The following PCLO variants were observed in gnomAD, a reference collection of about 807,000 sequenced individuals.
The protein encoded by PCLO is piccolo presynaptic cytomatrix protein.
In PCLO, 82 loss-of-function variants were observed where a neutral mutation model predicts 427.5. The observed-to-expected ratio is 0.19, with a 90% CI of 0.16 to 0.23. The LOEUF is 0.23. Among genes scored for constraint, PCLO ranks in the 10% least tolerant of loss-of-function variants. The pLI, the probability that PCLO is intolerant of heterozygous loss-of-function variation, is 1.00. For synonymous variants in PCLO, 2,357 were observed against 2,155.4 expected (o/e 1.09, Z -2.59); for missense variants, 6,239 against 6,115.9 (o/e 1.02, Z -0.67).
intron 3 of PCLO, among the ~76,000 whole-genome samples, chr7:83,098,498 C>T (rs1239953449): frequency 6.6e-6 from 1 of 152,018 alleles, no homozygotes; most frequent in East Asian, 1.9e-4. Flanking sequence ...GTTCTAACAG[C>T]GAATCTTAAA....
rs748771432 is a variant in PCLO, at chr7:82,951,933, T to C, written c.9020A>G (p.Tyr3007Cys). ...ATAATCAAAAGCATTCTTACTTTTA[T>C]AGAAAAAATGTCCAGCTTCTGCTAA... ...TNLAEAGHFF[Y>C]KSKNAFDYSE... The change falls in exon 5 of 25, where the codon TAT becomes TGT. Residue 3007 changes from tyrosine to cysteine, a missense_variant. Coordinates refer to ENST00000333891, the MANE Select transcript of PCLO (RefSeq NM_033026.6). The C allele has an allele frequency of 1.1e-5, 17 of 1,613,776 alleles. No individual in the cohort carries two copies. Among genetic ancestry groups the C allele is most frequent in the African/African-American group, 5.3e-5 (4 of 74,898 alleles).
chr7:83,131,871 C>T (rs1418641285), intron 3 of PCLO, among the ~76,000 whole-genome samples: 1 of 151,964 alleles, frequency 6.6e-6, no homozygotes, highest in Non-Finnish European at 1.5e-5. Context: ...TGACATTGTA[C>T]CATGAATTAC....
intron 3 of PCLO, among the ~76,000 whole-genome samples, chr7:83,092,627 A>G (rs1790406106): frequency 6.6e-6 from 1 of 152,146 alleles, no homozygotes; most frequent in Non-Finnish European, 1.5e-5. Context: ...CATTTGATAC[A>G]ATCAGGACAA....
rs1462640372 is a variant in PCLO at position 82,822,681 on chromosome 7, C to T, written c.14605G>A (p.Val4869Ile). ...CTATGGGATTTCTCAATGGTGGGAA[C>T]CTGCATGTCTGGTCACAAAAGGGTA... The part of the protein sequence containing the change: ...IFPDPSKDMQ[V>I]PTIEKSHSSP... Residue 4869 changes from valine to isoleucine, a missense_variant, in exon 20 of 25, where the codon GTT (valine) becomes ATT (isoleucine). Val to Ile is a conservative substitution (Grantham distance 29). Transcript: ENST00000333891. 2 of 1,612,894 alleles carry T rather than the reference C, an allele frequency of 1.2e-6. No individual in the cohort carries two copies. Among genetic ancestry groups the T allele is most frequent in the East Asian group, 2.2e-5 (1 of 44,866 alleles).
In PCLO at chr7:82,949,920, A is replaced by T. The variant is rs144871999; in HGVS notation, c.10668T>A (p.Pro3556=). 4.4e-4 allele frequency: 709 copies of T among 1,613,616 alleles called. 2 individuals carry two copies. Among genetic ancestry groups the T allele is most frequent in the East Asian group, 1.3e-3 (59 of 44,850 alleles). The change falls in exon 6 of 25, where the codon CCT becomes CCA. Residue 3556 remains proline (P), a synonymous_variant. Coordinates refer to ENST00000333891, the MANE Select transcript of PCLO (RefSeq NM_033026.6). ...AACTGCCCCCTTTGTAAGTCTTTTC[A>T]GGTGCTGAAATGTGTTTAATTATTT... ...KVEIIKHISA[P]EKTYKGGSLG... is the part of the protein sequence containing the mutation.
intron 12 of PCLO, 148 bp from the exon 13 acceptor site, chr7:82,845,633 T>G: frequency 1.6e-6 from 1 of 622,170 alleles, no homozygotes; most frequent in Middle Eastern, 2.9e-4. Flanking sequence ...ATTGTACTTT[T>G]ATGTATCAAT....
intron 3 of PCLO, among the ~76,000 whole-genome samples, chr7:82,967,527 C>T (rs1795806940): frequency 6.6e-6 from 1 of 152,090 alleles, no homozygotes; most frequent in South Asian, 2.1e-4. Flanking sequence ...GTCACCCGCA[C>T]TAAATCAACT....
At chr7:82,982,312 G>A (rs1322539840) in intron 3 of PCLO, among the ~76,000 whole-genome samples, 3 of 152,114 alleles carry the variant, frequency 2.0e-5, no homozygotes, top group Admixed American at 6.6e-5. Flanking sequence ...CTCATATAGA[G>A]TGGGGGATGA....
intron 3 of PCLO, among the ~76,000 whole-genome samples, chr7:83,097,948 T>A (rs1010308843): frequency 1.3e-5 from 2 of 152,166 alleles, no homozygotes; most frequent in Non-Finnish European, 2.9e-5. Context: ...TTTTCATTAA[T>A]ATCTGCATTT....
chr7:83,056,335 G>T (rs1162334091), intron 3 of PCLO, among the ~76,000 whole-genome samples: 1 of 152,038 alleles, frequency 6.6e-6, no homozygotes, highest in East Asian at 1.9e-4. Flanking sequence ...AGATACTTCT[G>T]GATTGAATAA....
intron 3 of PCLO, among the ~76,000 whole-genome samples, chr7:82,976,316 A>C (rs1173127175): frequency 6.6e-6 from 1 of 152,130 alleles, no homozygotes; most frequent in East Asian, 1.9e-4. Context: ...CAGCTTGTCC[A>C]TCCTCTCCCC....
chr7:82,768,030 G>C (rs1322702362), intron 22 of PCLO, among the ~76,000 whole-genome samples: 1 of 152,042 alleles, frequency 6.6e-6, no homozygotes, highest in African/African-American at 2.4e-5. Context: ...GGAGGAACTT[G>C]AAGATGAAAT....
At chr7:82,914,420 T>C in intron 7 of PCLO, 1 of 556,848 alleles carries the variant, frequency 1.8e-6, no homozygotes, top group South Asian at 2.6e-5. Context: ...TTGATAATGG[T>C]TTTAGAAAAG....
chr7:82,951,532 A>C, intron 5 of PCLO, 42 bp from the exon 6 acceptor site: 1 of 1,353,076 alleles, frequency 7.4e-7, no homozygotes, highest in Non-Finnish European at 1.0e-6. Context: ...CCCAGAATGA[A>C]TGATGCTTTT....
intron 3 of PCLO, among the ~76,000 whole-genome samples, chr7:83,087,966 GA>G (rs1276461332): frequency 6.6e-6 from 1 of 152,030 alleles, no homozygotes; most frequent in East Asian, 1.9e-4. Context: ...ATTTAATTCT[GA>G]AGGCATACTC....
intron 2 of PCLO, among the ~76,000 whole-genome samples, chr7:83,154,530 T>C (rs7807790): frequency 0.24 from 36,590 of 152,098 alleles, 4,767 homozygotes; most frequent in Middle Eastern, 0.33. Context: ...ATATTTGTCT[T>C]ATATGTCAAA....
At chr7:82,870,440 A>G (rs1331685747) in intron 10 of PCLO, among the ~76,000 whole-genome samples, 1 of 152,032 alleles carries the variant, frequency 6.6e-6, no homozygotes, top group Non-Finnish European at 1.5e-5. Flanking sequence ...ATAAACTCTA[A>G]ATGAACTAAA....
rs754945650 is a variant in PCLO at position 83,134,823 on chromosome 7, C to T, written c.2727G>A (p.Leu909=). ...ATTTGGGGGCATCAGTAATACTTCC[C>T]AGATTCAGACTGAAACGCCTTGACT... ...QEQSRRFSLN[L]GSITDAPKSQ... The change falls in exon 3 of 25, where the codon CTG becomes CTA. Residue 909 remains leucine (L), a synonymous_variant. Transcript: ENST00000333891. 3 of 1,613,306 alleles carry T rather than the reference C, an allele frequency of 1.9e-6. No homozygotes were observed. Among genetic ancestry groups the T allele is most frequent in the Non-Finnish European group, 2.5e-6 (3 of 1,179,546 alleles).
chr7:82,763,220 T>C (rs1398505443), intron 22 of PCLO, among the ~76,000 whole-genome samples: 1 of 152,078 alleles, frequency 6.6e-6, no homozygotes, highest in East Asian at 1.9e-4. Context: ...GGTAAATAAA[T>C]AAAGTGTCTA....
Sources: gnomAD v4.1 joint callset for allele counts (sites outside exome capture counted in the v4.1 genomes callset) on GRCh38, gnomAD v4.1.1 for gene constraint, MANE v1.5 for transcripts, NCBI Gene and HGNC (gene_info 2026-07-23, HGNC 2026-07-21) for gene names.